The following AP4E1 variants were observed in gnomAD, a reference collection of about 807,000 sequenced individuals.
AP4E1 encodes the protein AP-4 complex subunit epsilon-1.
Under a neutral mutation model 128.2 loss-of-function variants are expected in AP4E1, and 56 were observed. The observed-to-expected ratio is 0.44, with a 90% confidence interval of 0.35 to 0.55. AP4E1 has a LOEUF of 0.55. Among genes scored for constraint, AP4E1 ranks in the 20% least tolerant of loss-of-function variants. AP4E1 has a pLI of 0.00. For synonymous variants in AP4E1, 484 were observed against 473.1 expected (o/e 1.02, Z -0.30); for missense variants, 1,324 against 1,307.7 (o/e 1.01, Z -0.19).
rs978651856 is a variant in AP4E1, at chr15:50,941,322, A to T, written c.944-120A>T. The T allele has an allele frequency of 5.2e-6, 6 of 1,158,550 alleles. No homozygotes were observed. In the African/African-American group the frequency reaches 7.6e-5, roughly 15 times the overall value. The allele number at this position is 1,158,550 out of a possible 1,614,324, so 71.8% of individuals were successfully genotyped here. A position where few individuals can be genotyped will look rare whatever the true frequency, so the allele number is the denominator to read the frequency against. On this transcript the variant is annotated intron_variant, in intron 8 of 20. Transcript: ENST00000261842. The stretch of plus-strand genomic sequence containing the variant: ...TAGCGTTTGTTTCTGTGAAAAGTCC[A>T]TAAATAAGATTTCTGACTAAAATGG...
intron 17 of AP4E1, among the ~76,000 whole-genome samples, chr15:50,995,980 C>CTTTTT (rs1199189475): frequency 5.4e-5 from 5 of 91,796 alleles, no homozygotes; most frequent in East Asian, 3.0e-4. Flanking sequence ...TAATATACAT[C>CTTTTT]TTTTTTTTTT....
At chr15:50,977,459 C>T (rs1439999912) in intron 15 of AP4E1, among the ~76,000 whole-genome samples, 22 of 152,242 alleles carry the variant, frequency 1.4e-4, no homozygotes, top group Admixed American at 1.4e-3. Context: ...TCCCTCTCTC[C>T]TCCCAAATCT....
At chr15:50,931,326 T>TC (rs397690256) in intron 7 of AP4E1, among the ~76,000 whole-genome samples, 1 of 149,266 alleles carries the variant, frequency 6.7e-6, no homozygotes, top group Non-Finnish European at 1.5e-5. Flanking sequence ...TCCCAGCACT[T>TC]GGGAGGCTGA....
intron 14 of AP4E1, among the ~76,000 whole-genome samples, chr15:50,964,315 G>A (rs8029369): frequency 0.43 from 65,937 of 151,832 alleles, 14,514 homozygotes; most frequent in East Asian, 0.59. Flanking sequence ...TATGAGTTCT[G>A]TTTGTTTCTT....
intron 15 of AP4E1, among the ~76,000 whole-genome samples, chr15:50,980,072 GA>G (rs1218020050): frequency 6.6e-6 from 1 of 152,162 alleles, no homozygotes; most frequent in East Asian, 1.9e-4. Context: ...GAGCTATAGG[GA>G]AAATCTGAAA....
At chr15:50,931,981 A>G (rs1219958691) in intron 7 of AP4E1, among the ~76,000 whole-genome samples, 1 of 146,098 alleles carries the variant, frequency 6.8e-6, no homozygotes, top group Non-Finnish European at 1.5e-5. Flanking sequence ...CAATTTTGCC[A>G]TTTTTTTTTT....
chr15:50,962,889 C>CAAAAAAAAAAAA lies in AP4E1; in HGVS notation c.1851+4111_1851+4122dup, dbSNP rs71127168. ...ATATATAAGGAACTCAATTCAACAG[C>CAAAAAAAAAAAA]AAAAAAAAAAAAAAAAAAAAAAAAA... On this transcript the variant is annotated intron_variant, in intron 14 of 20. Coordinates refer to ENST00000261842, the MANE Select transcript of AP4E1 (RefSeq NM_007347.5). 4.4e-4 allele frequency among the ~76,000 whole-genome samples: 17 copies of CAAAAAAAAAAAA among 38,716 alleles called. 2 individuals are homozygous for CAAAAAAAAAAAA. Among genetic ancestry groups the CAAAAAAAAAAAA allele is most frequent in the African/African-American group, 1.9e-3 (17 of 8,726 alleles). The allele number at this position is 38,716 out of a possible 152,430, so 25.4% of individuals were successfully genotyped here. A position where few individuals can be genotyped will look rare whatever the true frequency, so the allele number is the denominator to read the frequency against.
intron 13 of AP4E1, among the ~76,000 whole-genome samples, chr15:50,956,718 C>T (rs2064228660): frequency 6.6e-6 from 1 of 152,212 alleles, no homozygotes. Flanking sequence ...CCACCTGGTC[C>T]TGCCCTTGAC....
intron 4 of AP4E1, 34 bp from the exon 5 acceptor site, chr15:50,925,064 C>T (rs756066843): frequency 3.1e-6 from 5 of 1,612,680 alleles, no homozygotes; most frequent in Admixed American, 3.3e-5. Flanking sequence ...TCAGTATTTA[C>T]ACTAAATGTT....
intron 17 of AP4E1, 122 bp downstream of exon 17, chr15:50,993,747 T>C: frequency 8.5e-7 from 1 of 1,172,680 alleles, no homozygotes; most frequent in Non-Finnish European, 1.2e-6. Context: ...CCCCAGTTCT[T>C]ACTCACCATC....
At position 50,945,856 on chromosome 15, in the gene AP4E1, T is replaced by G; in HGVS notation, c.1177-2164T>G. ...AGCTTGTCATTGACATCTACCAAAATCTATCTACAGCCAGATTCAGGAACA... is the reference window on the plus strand; with the variant it reads ...AGCTTGTCATTGACATCTACCAAAAGCTATCTACAGCCAGATTCAGGAACA... On this transcript the variant is annotated intron_variant, in intron 10 of 20. Coordinates refer to ENST00000261842, the MANE Select transcript of AP4E1 (RefSeq NM_007347.5). The G allele has an allele frequency of 6.0e-6, 5 of 836,050 alleles. No homozygotes were observed. In the South Asian group the frequency reaches 6.9e-5, roughly 12 times the overall value. 51.8% of individuals were successfully genotyped at this position (836,050 alleles called of 1,614,324 possible). A position where few individuals can be genotyped will look rare whatever the true frequency, so the allele number is the denominator to read the frequency against.
At chr15:50,929,231 A>G (rs2063803067) in intron 6 of AP4E1, 63 bp downstream of exon 6, 4 of 1,523,516 alleles carry the variant, frequency 2.6e-6, no homozygotes, top group Non-Finnish European at 3.6e-6. Context: ...TTATGGAATT[A>G]AAAAGAAACA....
chr15:50,949,892 A>G lies in AP4E1; in HGVS notation c.1383A>G (p.Val461=), dbSNP rs142229425. The G allele has an allele frequency of 7.4e-6, 12 of 1,613,836 alleles. No homozygotes were observed. The highest frequency in any genetic ancestry group is 9.3e-6 in the Non-Finnish European group (11 of 1,179,820). Reference sequence around the variant, plus strand: ...CTGTGTTTTCAGTAGGAGGAGATGTAATGCATCCTGATATTCCCAATAACT... The same window carrying G: ...CTGTGTTTTCAGTAGGAGGAGATGTGATGCATCCTGATATTCCCAATAACT... The part of the protein sequence containing the change: ...MNAVFSVGGD[V]MHPDIPNNFL... The change falls in exon 12 of 21, where the codon GTA becomes GTG. Residue 461 remains valine, a synonymous_variant. Transcript: ENST00000261842.
chr15:50,910,437 A>G (rs1161959866), intron 1 of AP4E1, among the ~76,000 whole-genome samples: 2 of 152,232 alleles, frequency 1.3e-5, no homozygotes, highest in Non-Finnish European at 2.9e-5. Context: ...AAATAGAATT[A>G]AACACATTCC....
At chr15:50,910,448 CT>C (rs956721563) in intron 1 of AP4E1, among the ~76,000 whole-genome samples, 6 of 152,202 alleles carry the variant, frequency 3.9e-5, no homozygotes, top group Non-Finnish European at 7.3e-5. Context: ...AACACATTCC[CT>C]TTTCCCAAGG....
intron 16 of AP4E1, among the ~76,000 whole-genome samples, chr15:50,987,255 T>C (rs2064741189): frequency 6.6e-6 from 1 of 152,222 alleles, no homozygotes; most frequent in Admixed American, 6.5e-5. Flanking sequence ...AAAAACCAGC[T>C]CCTGGATTCA....
intron 13 of AP4E1, among the ~76,000 whole-genome samples, chr15:50,957,552 C>T (rs2064242445): frequency 6.6e-6 from 1 of 152,024 alleles, no homozygotes; most frequent in African/African-American, 2.4e-5. Flanking sequence ...GCGGGTGGGG[C>T]TTCTCCAGGG....
chr15:50,922,935 G>A (rs537928987), intron 3 of AP4E1, among the ~76,000 whole-genome samples: 3 of 152,134 alleles, frequency 2.0e-5, no homozygotes, highest in Admixed American at 1.3e-4. Flanking sequence ...CCGCCACCAC[G>A]CCTGGCTAAT....
chr15:50,929,894 T>TA (rs2063811270), intron 6 of AP4E1, among the ~76,000 whole-genome samples: 1 of 152,114 alleles, frequency 6.6e-6, no homozygotes, highest in Non-Finnish European at 1.5e-5. Flanking sequence ...TTTCCCTTGA[T>TA]ACATAATAAA....
Sources: allele counts gnomAD v4.1 joint callset (sites outside exome capture counted in the v4.1 genomes callset), GRCh38; gene constraint gnomAD v4.1.1; transcripts MANE v1.5; gene names NCBI Gene and HGNC (gene_info 2026-07-23, HGNC 2026-07-21).